CCNY: variants seen among roughly 807,000 people sequenced by gnomAD.
The protein encoded by CCNY is cyclin Y.
A neutral mutation model predicts 42.8 loss-of-function variants in CCNY; 19 were observed. That is an observed-to-expected ratio of 0.44 (90% CI 0.31 to 0.65). The LOEUF (loss-of-function observed/expected upper bound fraction) is 0.65, where lower values mean the gene tolerates loss of function less well. Among genes scored for constraint, CCNY ranks in the 30% least tolerant of loss-of-function variants. The pLI, the probability that CCNY is intolerant of heterozygous loss-of-function variation, is 0.07. For missense variants in CCNY, 370 were observed against 437.3 expected, an observed-to-expected ratio of 0.85 and a Z score of 1.37; for synonymous variants, 165 against 162.7, an observed-to-expected ratio of 1.01 and a Z score of -0.11.
At chr10:35,513,244 T>C (rs1589170032) in intron 3 of CCNY, among the ~76,000 whole-genome samples, 1 of 152,324 alleles carries the variant, frequency 6.6e-6, no homozygotes, top group East Asian at 1.9e-4. Context: ...TTCAAAGATA[T>C]AAATTTTATT....
In CCNY at chr10:35,310,974, CAACAAAACAAAACAA is replaced by C. The variant is rs59550105; in HGVS notation, c.-9+60384_-9+60398del. On this transcript the variant is annotated intron_variant, in intron 3 of 11. Coordinates refer to the CCNY transcript ENST00000374706. ...TGGGCAACATGGTGAAACCCTGTCT[CAACAAAACAAAACAA>C]AACAAAACAAAACAAAACAAAACAA... is the stretch of plus-strand genomic sequence containing the variant. Among the ~76,000 whole-genome samples the C allele has an allele frequency of 2.4e-3, 354 of 145,874 alleles. 2 individuals are homozygous for C. The East Asian group carries it at 0.029, about 12-fold the overall frequency.
chr10:35,557,705 G>A (rs1056896069), intron 8 of CCNY, among the ~76,000 whole-genome samples: 6 of 152,130 alleles, frequency 3.9e-5, no homozygotes, highest in African/African-American at 1.2e-4. Context: ...GCAATGAGCC[G>A]AGATCGTGCC....
At chr10:35,421,660 G>C (rs1225668100) in intron 1 of CCNY, among the ~76,000 whole-genome samples, 1 of 152,144 alleles carries the variant, frequency 6.6e-6, no homozygotes, top group East Asian at 1.9e-4. Context: ...CTGCTGACTG[G>C]AGTCTGTGAT....
chr10:35,475,685 T>C (rs1399982297), intron 1 of CCNY, among the ~76,000 whole-genome samples: 1 of 149,052 alleles, frequency 6.7e-6, no homozygotes, highest in Non-Finnish European at 1.5e-5. Flanking sequence ...TGCAAAATCA[T>C]GCCAAAATGT....
intron 1 of CCNY, among the ~76,000 whole-genome samples, chr10:35,425,756 T>C (rs182723675): frequency 6.6e-6 from 1 of 152,346 alleles, no homozygotes; most frequent in Non-Finnish European, 1.5e-5. Flanking sequence ...TGGAGGACTT[T>C]CTGCTTTCTA....
chr10:35,435,697 G>A (rs968208219), intron 1 of CCNY, among the ~76,000 whole-genome samples: 2 of 152,190 alleles, frequency 1.3e-5, no homozygotes, highest in Non-Finnish European at 2.9e-5. Context: ...CACAGACCTT[G>A]CGAGCTGTTG....
In CCNY at chr10:35,553,195, G is replaced by T. The variant is rs150576108; in HGVS notation, c.746+10G>T. On this transcript the variant is annotated intron_variant, in intron 8 of 9. Coordinates refer to ENST00000374704, the MANE Select transcript of CCNY (RefSeq NM_145012.6). ...TCACGGTGGAGGACATGTGAGTTGG[G>T]GGGCAGAGGGTGTTGGTCATCAGAG... The T allele has an allele frequency of 9.3e-6, 15 of 1,612,306 alleles. No individual in the cohort carries two copies. The African/African-American group carries it at 9.3e-5, about 10-fold the overall frequency.
At chr10:35,283,403 G>GTTT (rs869225751) in intron 3 of CCNY, among the ~76,000 whole-genome samples, 1 of 144,096 alleles carries the variant, frequency 6.9e-6, no homozygotes, top group African/African-American at 2.5e-5. Flanking sequence ...TGTAAGGACA[G>GTTT]TTTTTTTTTT....
At chr10:35,260,415 TCCCACCACTC>T (rs1029418728) in intron 3 of CCNY, among the ~76,000 whole-genome samples, 7 of 152,010 alleles carry the variant, frequency 4.6e-5, no homozygotes, top group African/African-American at 1.7e-4. Flanking sequence ...TTCCCGTCAC[TCCCACCACTC>T]CCCTCCCCTC....
At chr10:35,283,004 G>A (rs1835314944) in intron 3 of CCNY, among the ~76,000 whole-genome samples, 2 of 152,118 alleles carry the variant, frequency 1.3e-5, no homozygotes, top group Admixed American at 1.3e-4. Flanking sequence ...GCTGCACATT[G>A]AGCGAACTTC....
intron 1 of CCNY, among the ~76,000 whole-genome samples, chr10:35,479,671 G>A (rs1276188101): frequency 8.0e-5 from 12 of 150,826 alleles, no homozygotes; most frequent in Non-Finnish European, 1.5e-4. Flanking sequence ...TGACGAGTTA[G>A]TGGGTGCAGC....
At chr10:35,489,885 T>G (rs1324940366) in intron 2 of CCNY, among the ~76,000 whole-genome samples, 1 of 152,240 alleles carries the variant, frequency 6.6e-6, no homozygotes, top group Non-Finnish European at 1.5e-5. Flanking sequence ...CACATGACTT[T>G]CAATTATATC....
intron 1 of CCNY, among the ~76,000 whole-genome samples, chr10:35,439,835 A>G (rs1168327727): frequency 6.6e-6 from 1 of 151,942 alleles, no homozygotes; most frequent in Non-Finnish European, 1.5e-5. Flanking sequence ...CCAGGTGGAG[A>G]CAGAAGTTCA....
intron 3 of CCNY, among the ~76,000 whole-genome samples, chr10:35,267,105 C>A (rs1347938897): frequency 6.8e-6 from 1 of 146,632 alleles, no homozygotes; most frequent in African/African-American, 2.5e-5. Context: ...AAAAAATGAC[C>A]TACTGTGGGT....
At chr10:35,538,846 A>G (rs1840939204) in intron 7 of CCNY, among the ~76,000 whole-genome samples, 1 of 152,200 alleles carries the variant, frequency 6.6e-6, no homozygotes, top group African/African-American at 2.4e-5. Flanking sequence ...CTTATCTAAG[A>G]ATCATTGCAT....
intron 3 of CCNY, among the ~76,000 whole-genome samples, chr10:35,307,815 TA>T (rs1203224233): frequency 0.12 from 8,927 of 74,256 alleles, 742 homozygotes; most frequent in Non-Finnish European, 0.17. Flanking sequence ...TATATATATA[TA>T]TATTTTTTTT....
At chr10:35,511,044 C>T (rs995276679) in intron 3 of CCNY, among the ~76,000 whole-genome samples, 3 of 152,228 alleles carry the variant, frequency 2.0e-5, no homozygotes, top group Non-Finnish European at 4.4e-5. Context: ...GTGTTCGGAA[C>T]GTGTCAGCAT....
intron 3 of CCNY, among the ~76,000 whole-genome samples, chr10:35,299,400 C>T (rs1589023490): frequency 6.6e-6 from 1 of 152,218 alleles, no homozygotes; most frequent in Middle Eastern, 3.4e-3. Context: ...TGTCTTTTTC[C>T]CCTTTCAAAT....
chr10:35,490,068 T>C (rs1394032880), intron 2 of CCNY, among the ~76,000 whole-genome samples: 1 of 152,204 alleles, frequency 6.6e-6, no homozygotes, highest in Non-Finnish European at 1.5e-5. Flanking sequence ...ATTCCAAGTC[T>C]TCATGTTTAT....
Sources: allele counts gnomAD v4.1 joint callset (sites outside exome capture counted in the v4.1 genomes callset), GRCh38; gene constraint gnomAD v4.1.1; transcripts MANE v1.5; gene names NCBI Gene and HGNC (gene_info 2026-07-23, HGNC 2026-07-21).